Variants in CRPPA observed in about 807,000 individuals in gnomAD.
The protein encoded by CRPPA is CDP-L-ribitol pyrophosphorylase A, also known as D-ribitol-5-phosphate cytidylyltransferase.
A neutral mutation model predicts 52.0 loss-of-function variants in CRPPA; 43 were observed. The ratio of observed to expected loss-of-function variants is 0.83; its 90% confidence interval spans 0.65 to 1.07. The LOEUF is 1.07. Ranked by LOEUF, CRPPA falls within the 50% of genes least tolerant of loss-of-function variation. CRPPA has a pLI of 0.00. For synonymous variants in CRPPA, 250 were observed against 203.5 expected, an observed-to-expected ratio of 1.23 and a Z score of -1.94; for missense variants, 629 against 551.7, an observed-to-expected ratio of 1.14 and a Z score of -1.40.
chr7:16,399,143 A>G (rs562819532), intron 2 of CRPPA, among the ~76,000 whole-genome samples: 9 of 152,304 alleles, frequency 5.9e-5, no homozygotes, highest in African/African-American at 2.2e-4. Context: ...CCAATGTGTG[A>G]CCAAAGCATG....
intron 9 of CRPPA, among the ~76,000 whole-genome samples, chr7:16,204,003 C>A (rs968911927): frequency 2.6e-5 from 4 of 152,084 alleles, no homozygotes; most frequent in Admixed American, 6.6e-5. Flanking sequence ...TTTAAGGATA[C>A]TGGTTAAAAA....
chr7:16,187,213 C>T (rs1251046760), intron 9 of CRPPA, among the ~76,000 whole-genome samples: 1 of 152,134 alleles, frequency 6.6e-6, no homozygotes, highest in East Asian at 1.9e-4. Context: ...AATACTTAGG[C>T]CCATTAAGCA....
intron 3 of CRPPA, among the ~76,000 whole-genome samples, chr7:16,331,701 G>T (rs1785556232): frequency 6.6e-6 from 1 of 152,148 alleles, no homozygotes; most frequent in Admixed American, 6.6e-5. Context: ...AACACTAATA[G>T]AAATGAAGAA....
In CRPPA at chr7:16,088,600, AC is replaced by A. The variant is rs1781748072; in HGVS notation, c.*3094del. 1 of 151,702 alleles carries A rather than the reference AC, an allele frequency of 6.6e-6. No individual in the cohort carries two copies. Among genetic ancestry groups the A allele is most frequent in the Non-Finnish European group, 1.5e-5 (1 of 67,990 alleles). 9.4% of individuals were successfully genotyped at this position (151,702 alleles called of 1,614,324 possible). ...GCCTGGCTATTTTTTTTGTATTTTTACTAGAGACGGGGTTTCACCGCATTAG... is the reference window on the plus strand; with the variant it reads ...GCCTGGCTATTTTTTTTGTATTTTTATAGAGACGGGGTTTCACCGCATTAG... On this transcript the variant is annotated 3_prime_UTR_variant, in exon 10 of 10. Coordinates refer to ENST00000407010, the MANE Select transcript of CRPPA (RefSeq NM_001101426.4).
chr7:16,117,111 A>G lies in CRPPA; in HGVS notation c.1252-25312T>C, dbSNP rs138954067. On this transcript the variant is annotated intron_variant, in intron 9 of 9. Coordinates refer to ENST00000407010, the MANE Select transcript of CRPPA (RefSeq NM_001101426.4). ...CTTATATACAGATTTTTCCCTTAAAAAGATGTCAACTTGGAAAATGATGGA... is the reference window on the plus strand; with the variant it reads ...CTTATATACAGATTTTTCCCTTAAAGAGATGTCAACTTGGAAAATGATGGA... Among the ~76,000 whole-genome samples, 347 of 152,332 alleles carry G rather than the reference A, an allele frequency of 2.3e-3. No homozygotes were observed. In the East Asian group the frequency reaches 0.028, roughly 12 times the overall value.
intron 9 of CRPPA, among the ~76,000 whole-genome samples, chr7:16,182,236 T>A (rs1472303377): frequency 6.6e-6 from 1 of 151,876 alleles, no homozygotes; most frequent in Non-Finnish European, 1.5e-5. Context: ...AGAAACTATA[T>A]CAACTATTAT....
At chr7:16,171,974 T>A (rs1456451400) in intron 9 of CRPPA, among the ~76,000 whole-genome samples, 1 of 152,190 alleles carries the variant, frequency 6.6e-6, no homozygotes, top group Non-Finnish European at 1.5e-5. Flanking sequence ...AGGCAAGCTA[T>A]CCTACAAGTA....
intron 9 of CRPPA, among the ~76,000 whole-genome samples, chr7:16,164,909 C>T (rs1242241660): frequency 6.6e-6 from 1 of 152,032 alleles, no homozygotes; most frequent in Non-Finnish European, 1.5e-5. Flanking sequence ...CTGCCAGATG[C>T]CAGCCAGAGC....
At chr7:16,125,727 T>A (rs1782565774) in intron 9 of CRPPA, among the ~76,000 whole-genome samples, 1 of 152,116 alleles carries the variant, frequency 6.6e-6, no homozygotes, top group Non-Finnish European at 1.5e-5. Context: ...AGTTCAAAAT[T>A]TATCAAAAGG....
intron 6 of CRPPA, among the ~76,000 whole-genome samples, chr7:16,264,190 A>C (rs1783892401): frequency 6.6e-6 from 1 of 152,174 alleles, no homozygotes; most frequent in Admixed American, 6.5e-5. Flanking sequence ...CAACGCTATT[A>C]GGTTGTTTAT....
At chr7:16,329,590 A>C (rs1414672708) in intron 3 of CRPPA, among the ~76,000 whole-genome samples, 1 of 152,208 alleles carries the variant, frequency 6.6e-6, no homozygotes, top group Admixed American at 6.5e-5. Flanking sequence ...TTTAAACTAC[A>C]TATGTGAAAA....
intron 9 of CRPPA, among the ~76,000 whole-genome samples, chr7:16,168,216 A>G (rs1450710905): frequency 1.3e-5 from 2 of 152,210 alleles, no homozygotes; most frequent in Non-Finnish European, 2.9e-5. Context: ...CTGGCTAAAT[A>G]GATAATTCAT....
At chr7:16,199,264 G>T (rs1781799805) in intron 9 of CRPPA, among the ~76,000 whole-genome samples, 1 of 152,038 alleles carries the variant, frequency 6.6e-6, no homozygotes, top group Non-Finnish European at 1.5e-5. Context: ...AGTCACTTCT[G>T]CAAAACTCAG....
chr7:16,300,114 G>T (rs1784763050), intron 5 of CRPPA, among the ~76,000 whole-genome samples: 1 of 152,146 alleles, frequency 6.6e-6, no homozygotes, highest in Admixed American at 6.5e-5. Flanking sequence ...GCTATAAATG[G>T]TCTGTTTACA....
chr7:16,161,207 C>T (rs898907562), intron 9 of CRPPA, among the ~76,000 whole-genome samples: 10 of 152,164 alleles, frequency 6.6e-5, no homozygotes, highest in African/African-American at 2.4e-4. Flanking sequence ...CTGGCCAGAA[C>T]TTCCAAAACT....
In CRPPA at chr7:16,252,374, A is replaced by C. The variant is rs143686474; in HGVS notation, c.1119+6016T>G. Among the ~76,000 whole-genome samples the C allele has an allele frequency of 9.6e-3, 1,457 of 152,316 alleles. 13 individuals are homozygous for C. The highest frequency in any genetic ancestry group is 0.037 in the Middle Eastern group (11 of 294). ...CAAGCCCTTCATGCTAAAAACTCTCAATAAACTAAGTATTGACGGAACGTA... is the reference window on the plus strand; with the variant it reads ...CAAGCCCTTCATGCTAAAAACTCTCCATAAACTAAGTATTGACGGAACGTA... On this transcript the variant is annotated intron_variant, in intron 8 of 9. Transcript: ENST00000407010.
Position 16,249,718 on chromosome 7 carries a change from T to A in CRPPA, c.1119+8672A>T, listed in dbSNP as rs182601178. Reference sequence around the variant, plus strand: ...AAAGGACATCCACACAAAAACCCCATCCGGAGGTCACCAACATCAAAGACC... The same window carrying A: ...AAAGGACATCCACACAAAAACCCCAACCGGAGGTCACCAACATCAAAGACC... On this transcript the variant is annotated intron_variant, in intron 8 of 9. Transcript: ENST00000407010. Among the ~76,000 whole-genome samples, 102 of 152,124 alleles carry A rather than the reference T, an allele frequency of 6.7e-4. No homozygotes were observed. In the East Asian group the frequency reaches 0.019, roughly 29 times the overall value.
intron 3 of CRPPA, among the ~76,000 whole-genome samples, chr7:16,331,279 G>A (rs1051045392): frequency 1.3e-5 from 2 of 152,160 alleles, no homozygotes; most frequent in South Asian, 2.1e-4. Context: ...GATTACAGGC[G>A]TGAGCCACTG....
chr7:16,336,537 T>A (rs1403408186), intron 3 of CRPPA, among the ~76,000 whole-genome samples: 144 of 115,714 alleles, frequency 1.2e-3, no homozygotes, highest in African/African-American at 4.4e-3. Context: ...AAAAACTTCA[T>A]AAAACCACAA....
Sources: gnomAD v4.1 joint callset for allele counts (sites outside exome capture counted in the v4.1 genomes callset) on GRCh38, gnomAD v4.1.1 for gene constraint, MANE v1.5 for transcripts, NCBI Gene and HGNC (gene_info 2026-07-23, HGNC 2026-07-21) for gene names.